ST3GAL2: variants seen among roughly 807,000 people sequenced by gnomAD.
The protein encoded by ST3GAL2 is CMP-N-acetylneuraminate-beta-galactosamide-alpha-2,3-sialyltransferase 2.
In ST3GAL2, 16 loss-of-function variants were observed where a neutral mutation model predicts 37.5. That is an observed-to-expected ratio of 0.43 (90% CI 0.29 to 0.65). The LOEUF (loss-of-function observed/expected upper bound fraction) is 0.65, where lower values mean the gene tolerates loss of function less well. ST3GAL2 is among the 30% of genes least tolerant of loss of function. The pLI is 0.17. For missense variants in ST3GAL2, 383 were observed against 487.8 expected (o/e 0.79, Z 2.02); for synonymous variants, 238 against 202.9 (o/e 1.17, Z -1.47).
chr16:70,419,283 G>T (rs1170835029), intron 1 of ST3GAL2, among the ~76,000 whole-genome samples: 3 of 152,196 alleles, frequency 2.0e-5, no homozygotes, highest in African/African-American at 7.2e-5. Flanking sequence ...CAGTCTTTGC[G>T]GCCCAGAGTT....
At chr16:70,426,905 T>C (rs527777043) in intron 1 of ST3GAL2, among the ~76,000 whole-genome samples, 6 of 152,238 alleles carry the variant, frequency 3.9e-5, no homozygotes, top group African/African-American at 1.4e-4. Context: ...TGGAGTGCAG[T>C]GGCGCAAAAA....
rs924829655 is a variant in ST3GAL2, at chr16:70,398,498, G to A, written c.33C>T (p.Ser11=). The change falls in exon 2 of 7, where the codon TCC becomes TCT. Residue 11 remains serine, a synonymous_variant. Transcript: ENST00000342907. ...TGATGAACACCAGCAGGAAGGCCAC[G>A]GAGAGGAACCACACCCGCAGGGAGC... MKCSLRVWFL[S]VAFLLVFIMS... 41 of 1,611,740 alleles carry A rather than the reference G, an allele frequency of 2.5e-5. No individual in the cohort carries two copies. The highest frequency in any genetic ancestry group is 3.1e-5 in the Non-Finnish European group (36 of 1,179,496).
chr16:70,431,706 G>A (rs915595876), intron 1 of ST3GAL2, among the ~76,000 whole-genome samples: 2 of 151,162 alleles, frequency 1.3e-5, no homozygotes, highest in Non-Finnish European at 2.9e-5. Flanking sequence ...GCTCACCTCT[G>A]TAATCCCAGC....
chr16:70,426,007 A>G (rs986839448), intron 1 of ST3GAL2, among the ~76,000 whole-genome samples: 31 of 152,044 alleles, frequency 2.0e-4, no homozygotes, highest in Non-Finnish European at 3.4e-4. Flanking sequence ...AGAGTCCCCC[A>G]ACCACAGGGA....
At chr16:70,384,791 A>C (rs912628772) in intron 4 of ST3GAL2, among the ~76,000 whole-genome samples, 1 of 146,092 alleles carries the variant, frequency 6.8e-6, no homozygotes, top group African/African-American at 2.6e-5. Context: ...TTGAGAGGCC[A>C]AGTTGGGCCG....
At chr16:70,395,220 G>A (rs1328056590) in intron 2 of ST3GAL2, 45 bp from the exon 3 acceptor site, 2 of 1,555,166 alleles carry the variant, frequency 1.3e-6, no homozygotes, top group East Asian at 2.3e-5. Flanking sequence ...GGGGAGAGGT[G>A]TGTGAAGAAG....
intron 1 of ST3GAL2, among the ~76,000 whole-genome samples, chr16:70,433,427 T>C (rs1219939236): frequency 2.6e-5 from 4 of 152,156 alleles, no homozygotes. Flanking sequence ...AGCACCTGTC[T>C]GGACAGATTT....
chr16:70,410,017 G>T (rs1597568586), intron 1 of ST3GAL2, among the ~76,000 whole-genome samples: 1 of 151,164 alleles, frequency 6.6e-6, no homozygotes, highest in Non-Finnish European at 1.5e-5. Context: ...TCCTCCCAAC[G>T]TGGCCTCCCA....
chr16:70,425,943 G>A (rs1286627041), intron 1 of ST3GAL2, among the ~76,000 whole-genome samples: 1 of 152,184 alleles, frequency 6.6e-6, no homozygotes, highest in Non-Finnish European at 1.5e-5. Context: ...TGGTGAGGGA[G>A]GCCCTGACTG....
At chr16:70,415,323 G>T (rs566555922) in intron 1 of ST3GAL2, among the ~76,000 whole-genome samples, 12 of 152,250 alleles carry the variant, frequency 7.9e-5, no homozygotes, top group African/African-American at 2.9e-4. Flanking sequence ...CTGCATTCCT[G>T]AACCCTTATC....
chr16:70,436,544 G>A (rs1356601500), intron 1 of ST3GAL2, among the ~76,000 whole-genome samples: 1 of 151,512 alleles, frequency 6.6e-6, no homozygotes, highest in African/African-American at 2.4e-5. Context: ...TTCTCAAAGT[G>A]TTAGCCCTAG....
Position 70,381,594 on chromosome 16 carries a change from T to G in ST3GAL2, c.*95A>C. 9 of 1,468,864 alleles carry G rather than the reference T, an allele frequency of 6.1e-6. No homozygotes were observed. The highest frequency in any genetic ancestry group is 8.2e-6 in the Non-Finnish European group (9 of 1,093,750). 91.0% of individuals were successfully genotyped at this position (1,468,864 alleles called of 1,614,324 possible). A position where few individuals can be genotyped will look rare whatever the true frequency, so the allele number is the denominator to read the frequency against. The stretch of plus-strand genomic sequence containing the variant: ...CGGGGCACAGCAGACGCCCCTGGGC[T>G]GCAGCATGATTGGTCGCGGGTTGCT... On this transcript the variant is annotated 3_prime_UTR_variant, in exon 7 of 7. Transcript: ENST00000342907.
intron 1 of ST3GAL2, among the ~76,000 whole-genome samples, chr16:70,402,916 G>T (rs1008635811): frequency 3.3e-5 from 5 of 152,186 alleles, no homozygotes; most frequent in Admixed American, 2.6e-4. Flanking sequence ...CTCCCAAAGT[G>T]CTGGGATTAC....
intron 1 of ST3GAL2, among the ~76,000 whole-genome samples, chr16:70,418,961 G>A (rs2047694639): frequency 6.6e-6 from 1 of 152,198 alleles, no homozygotes; most frequent in Non-Finnish European, 1.5e-5. Context: ...GGAGACTCCA[G>A]GGCAGGGACA....
intron 1 of ST3GAL2, among the ~76,000 whole-genome samples, chr16:70,423,371 G>A (rs1175703072): frequency 3.3e-5 from 5 of 152,166 alleles, no homozygotes; most frequent in South Asian, 2.1e-4. Context: ...TTAGCTGGGC[G>A]TGGTGGCACA....
intron 3 of ST3GAL2, 110 bp from the exon 4 acceptor site, chr16:70,388,656 C>A: frequency 8.3e-7 from 1 of 1,201,696 alleles, no homozygotes; most frequent in Non-Finnish European, 1.1e-6. Flanking sequence ...GTGTATACTC[C>A]AACCTAGCAA....
intron 1 of ST3GAL2, among the ~76,000 whole-genome samples, chr16:70,406,855 G>A (rs2047595974): frequency 6.6e-6 from 1 of 152,024 alleles, no homozygotes; most frequent in South Asian, 2.1e-4. Context: ...TCTAGAATGT[G>A]TGTACACTGA....
intron 1 of ST3GAL2, among the ~76,000 whole-genome samples, chr16:70,414,681 G>GT (rs1311279468): frequency 1.3e-5 from 2 of 151,858 alleles, no homozygotes; most frequent in Non-Finnish European, 2.9e-5. Context: ...GATTCTGTTT[G>GT]TTTATTTTTG....
rs2047505902 is a variant in ST3GAL2, at chr16:70,395,014, C to T, written c.501G>A (p.Gly167=). ...TGAAGTTGTGCCCGTCCACGTCCTG[C>T]CCATAGCCAGAGCCCCGCAGGTTGC... ...NSGNLRGSGY[G]QDVDGHNFIM... is the part of the protein sequence containing the mutation. The change falls in exon 3 of 7, where the codon GGG becomes GGA. Residue 167 remains glycine (G), a synonymous_variant. Coordinates refer to ENST00000342907, the MANE Select transcript of ST3GAL2 (RefSeq NM_006927.4). The T allele has an allele frequency of 6.2e-7, 1 of 1,613,730 alleles. No individual in the cohort carries two copies.
Sources: allele counts gnomAD v4.1 joint callset (sites outside exome capture counted in the v4.1 genomes callset), GRCh38; gene constraint gnomAD v4.1.1; transcripts MANE v1.5; gene names NCBI Gene and HGNC (gene_info 2026-07-23, HGNC 2026-07-21).